PKHD1: variants seen among roughly 807,000 people sequenced by gnomAD.
PKHD1 encodes PKHD1 ciliary IPT domain containing fibrocystin/polyductin, also known as fibrocystin.
Under a neutral mutation model 412.0 loss-of-function variants are expected in PKHD1, and 291 were observed. The ratio of observed to expected loss-of-function variants is 0.71; its 90% CI spans 0.64 to 0.78. PKHD1 has a LOEUF of 0.78. Ranked by LOEUF, PKHD1 falls within the 30% of genes least tolerant of loss-of-function variation. PKHD1 has a pLI of 0.00. For missense variants in PKHD1, 4,825 were observed against 4,950.7 expected, an observed-to-expected ratio of 0.97 and a Z score of 0.76; for synonymous variants, 1,777 against 1,821.5, an observed-to-expected ratio of 0.98 and a Z score of 0.62.
At chr6:51,707,323 G>A (rs80354349) in intron 60 of PKHD1, among the ~76,000 whole-genome samples, 6,425 of 152,114 alleles carry the variant, frequency 0.042, 211 homozygotes, top group Middle Eastern at 0.11. Context: ...AGCCTACAGG[G>A]TGACTTTTTG....
Position 51,899,360 on chromosome 6 carries a change from A to G in PKHD1, c.6996+4237T>C, listed in dbSNP as rs555058341. ...ATCCCTGGGATGCAAGGCTGGTTCA[A>G]TATACGCAAATCAATAAATGTAATC... On this transcript the variant is annotated intron_variant, in intron 43 of 66. Coordinates refer to ENST00000371117, the MANE Select transcript of PKHD1 (RefSeq NM_138694.4). Among the ~76,000 whole-genome samples, 349 of 152,058 alleles carry G rather than the reference A, an allele frequency of 2.3e-3. 3 individuals carry two copies. The highest frequency in any genetic ancestry group is 7.5e-3 in the African/African-American group (309 of 41,402).
chr6:51,848,023 T>G, intron 49 of PKHD1, 53 bp from the exon 50 acceptor site: 1 of 1,210,914 alleles, frequency 8.3e-7, no homozygotes. Context: ...AACCCCATCA[T>G]TCCACCTACT....
chr6:51,887,367 A>C (rs1583204419), intron 43 of PKHD1, 122 bp from the exon 44 acceptor site: 1 of 724,586 alleles, frequency 1.4e-6, no homozygotes, highest in East Asian at 2.7e-5. Context: ...GTACATTAAA[A>C]CTCTATTATA....
chr6:52,021,104 TTA>T (rs1305874363), intron 33 of PKHD1, among the ~76,000 whole-genome samples: 1 of 152,198 alleles, frequency 6.6e-6, no homozygotes, highest in Non-Finnish European at 1.5e-5. Flanking sequence ...GGAAAATTAG[TTA>T]AATTATGCAT....
intron 61 of PKHD1, among the ~76,000 whole-genome samples, chr6:51,654,371 A>C (rs1228175490): frequency 6.6e-6 from 1 of 152,064 alleles, no homozygotes; most frequent in Non-Finnish European, 1.5e-5. Flanking sequence ...TTTCATATCC[A>C]TTAATTTTCA....
intron 37 of PKHD1, among the ~76,000 whole-genome samples, chr6:51,923,525 A>G (rs990754694): frequency 6.6e-6 from 1 of 152,024 alleles, no homozygotes; most frequent in South Asian, 2.1e-4. Context: ...AAAGAAAAAA[A>G]AAAAACAATA....
intron 43 of PKHD1, among the ~76,000 whole-genome samples, chr6:51,892,520 C>T (rs1779267071): frequency 6.6e-6 from 1 of 152,172 alleles, no homozygotes; most frequent in Non-Finnish European, 1.5e-5. Context: ...GGCTCGACAA[C>T]AAGGAATTAC....
intron 6 of PKHD1, among the ~76,000 whole-genome samples, chr6:52,073,752 T>C (rs908823146): frequency 4.6e-5 from 7 of 152,150 alleles, no homozygotes; most frequent in African/African-American, 1.7e-4. Context: ...AAATAAGCAA[T>C]TGTTTCAATC....
At chr6:51,667,341 T>C (rs1774002060) in intron 60 of PKHD1, among the ~76,000 whole-genome samples, 2 of 151,826 alleles carry the variant, frequency 1.3e-5, no homozygotes, top group South Asian at 4.2e-4. Context: ...CATAAATGTC[T>C]TCTTTTGAGA....
intron 64 of PKHD1, among the ~76,000 whole-genome samples, chr6:51,633,641 T>C (rs1768192795): frequency 6.6e-6 from 1 of 152,206 alleles, no homozygotes. Flanking sequence ...AGCCCATCTC[T>C]GAATGGTACA....
rs1193348641 is a variant in PKHD1, at chr6:51,801,838, GAATA to G, written c.8303-10469_8303-10466del. Among the ~76,000 whole-genome samples, 9 of 151,960 alleles carry G rather than the reference GAATA, an allele frequency of 5.9e-5. 1 individual carries two copies. Among genetic ancestry groups the G allele is most frequent in the Non-Finnish European group, 1.3e-4 (9 of 67,982 alleles). ...ACAGACATGCATAATTCCCATAGTAGAATAAACATTTTAAATTATGATATTTTAA... is the reference window on the plus strand; with the variant it reads ...ACAGACATGCATAATTCCCATAGTAGAACATTTTAAATTATGATATTTTAA... On this transcript the variant is annotated intron_variant, in intron 52 of 66. Coordinates refer to ENST00000371117, the MANE Select transcript of PKHD1 (RefSeq NM_138694.4).
intron 60 of PKHD1, among the ~76,000 whole-genome samples, chr6:51,724,354 C>T (rs989952363): frequency 1.3e-5 from 2 of 152,102 alleles, no homozygotes; most frequent in African/African-American, 4.8e-5. Flanking sequence ...TCTAAACTGC[C>T]TATAGCCCCT....
At chr6:51,909,262 C>A in intron 40 of PKHD1, 21 bp downstream of exon 40, 1 of 1,591,812 alleles carries the variant, frequency 6.3e-7, no homozygotes, top group South Asian at 1.1e-5. Flanking sequence ...ATGAGAAAGT[C>A]CTAGGTCCGG....
At chr6:51,762,607 A>G (rs1486702382) in intron 55 of PKHD1, among the ~76,000 whole-genome samples, 2 of 151,870 alleles carry the variant, frequency 1.3e-5, no homozygotes, top group Non-Finnish European at 2.9e-5. Context: ...TAAAGTTAAC[A>G]TGAAACTTTT....
chr6:51,845,266 C>T (rs1770937457), intron 50 of PKHD1, among the ~76,000 whole-genome samples: 1 of 152,192 alleles, frequency 6.6e-6, no homozygotes, highest in Non-Finnish European at 1.5e-5. Flanking sequence ...GCTAAATTTA[C>T]ACAACCCAGT....
intron 35 of PKHD1, among the ~76,000 whole-genome samples, chr6:51,993,395 C>T (rs1797279217): frequency 6.6e-6 from 1 of 152,238 alleles, no homozygotes; most frequent in African/African-American, 2.4e-5. Context: ...AGGTACCGAA[C>T]ACTTGAACTT....
chr6:51,629,663 T>A (rs1236246517), intron 65 of PKHD1, among the ~76,000 whole-genome samples: 2 of 152,162 alleles, frequency 1.3e-5, no homozygotes, highest in Non-Finnish European at 2.9e-5. Flanking sequence ...GAAAATTAAA[T>A]TTTATTTAAA....
intron 36 of PKHD1, among the ~76,000 whole-genome samples, chr6:51,948,320 C>T (rs1271464406): frequency 3.3e-5 from 5 of 152,116 alleles, no homozygotes; most frequent in African/African-American, 9.7e-5. Context: ...CCTATCAAAC[C>T]TTACAGCGTT....
intron 33 of PKHD1, among the ~76,000 whole-genome samples, chr6:52,019,289 G>C (rs1436827567): frequency 1.3e-5 from 2 of 152,250 alleles, no homozygotes; most frequent in Non-Finnish European, 2.9e-5. Context: ...GCTGTGGCAA[G>C]GGTTACATGA....
Sources: gnomAD v4.1 joint callset for allele counts (sites outside exome capture counted in the v4.1 genomes callset) on GRCh38, gnomAD v4.1.1 for gene constraint, MANE v1.5 for transcripts, NCBI Gene and HGNC (gene_info 2026-07-23, HGNC 2026-07-21) for gene names.